The following CLSTN2 variants were observed in gnomAD, a reference collection of about 807,000 sequenced individuals.
The protein encoded by CLSTN2 is calsyntenin-2.
A neutral mutation model predicts 101.2 loss-of-function variants in CLSTN2; 48 were observed. The observed-to-expected ratio is 0.47, with a 90% CI of 0.38 to 0.60. The LOEUF (loss-of-function observed/expected upper bound fraction) is 0.60, where lower values mean the gene tolerates loss of function less well. CLSTN2 is among the 20% of genes least tolerant of loss of function. CLSTN2 has a pLI of 0.00. For synonymous variants in CLSTN2, 481 were observed against 463.6 expected (o/e 1.04, Z -0.48); for missense variants, 1,160 against 1,238.2 (o/e 0.94, Z 0.95).
intron 8 of CLSTN2, among the ~76,000 whole-genome samples, chr3:140,496,502 T>C (rs1185432493): frequency 1.3e-5 from 2 of 152,186 alleles, no homozygotes; most frequent in Admixed American, 6.5e-5. Context: ...AATACAATGT[T>C]GAATAGAAGT....
At chr3:140,552,080 G>A (rs993012308) in intron 10 of CLSTN2, among the ~76,000 whole-genome samples, 1 of 152,104 alleles carries the variant, frequency 6.6e-6, no homozygotes, top group Admixed American at 6.5e-5. Context: ...GTCATAGCCA[G>A]CCTTCTCTCA....
Position 140,563,079 on chromosome 3 carries a change from G to A in CLSTN2, c.2359-1G>A. ...ATAGCACCTCTCCCCACTCTTCCCA[G>A]GTCAGCATCCTTCATGAAGACCAAG... On this transcript the variant is annotated splice_acceptor_variant, in intron 14 of 16. Transcript: ENST00000458420. LOFTEE classifies it high-confidence loss of function. 6.2e-7 allele frequency: 1 copy of A among 1,614,030 alleles called. No individual in the cohort carries two copies. Among genetic ancestry groups the A allele is most frequent in the South Asian group, 1.1e-5 (1 of 91,076 alleles).
intron 8 of CLSTN2, among the ~76,000 whole-genome samples, chr3:140,490,463 G>A (rs143836184): frequency 4.6e-4 from 70 of 151,622 alleles, no homozygotes; most frequent in African/African-American, 1.7e-3. Context: ...AACTGAAGCT[G>A]GGCCACAAAG....
At chr3:140,313,466 T>A (rs1161578176) in intron 2 of CLSTN2, among the ~76,000 whole-genome samples, 1 of 152,066 alleles carries the variant, frequency 6.6e-6, no homozygotes, top group Non-Finnish European at 1.5e-5. Context: ...TTCAGTGGAG[T>A]GCAGTGTCAT....
At chr3:140,560,770 G>A (rs1334291873) in intron 12 of CLSTN2, among the ~76,000 whole-genome samples, 51 of 152,112 alleles carry the variant, frequency 3.4e-4, no homozygotes, top group Admixed American at 3.3e-3. Context: ...CAGCCACAGC[G>A]GGAGGTAGGA....
intron 2 of CLSTN2, among the ~76,000 whole-genome samples, chr3:140,390,492 T>G (rs7630704): frequency 0.017 from 2,519 of 152,336 alleles, 73 homozygotes; most frequent in African/African-American, 0.058. Flanking sequence ...GCCTTTTAAA[T>G]TGATTGAGAC....
chr3:140,479,481 A>T (rs1934066068), intron 8 of CLSTN2, among the ~76,000 whole-genome samples: 1 of 152,208 alleles, frequency 6.6e-6, no homozygotes, highest in Non-Finnish European at 1.5e-5. Flanking sequence ...GGAAAATGTG[A>T]CCTAAGGTCC....
In CLSTN2 at chr3:140,385,139, G is replaced by A. The variant is rs78040472; in HGVS notation, c.233-18490G>A. 2.3e-3 allele frequency among the ~76,000 whole-genome samples: 349 copies of A among 152,252 alleles called. 1 individual carries two copies. Among genetic ancestry groups the A allele is most frequent in the Admixed American group, 5.4e-3 (82 of 15,298 alleles). On this transcript the variant is annotated intron_variant, in intron 2 of 16. Coordinates refer to ENST00000458420, the MANE Select transcript of CLSTN2 (RefSeq NM_022131.3). ...GGGTGAGAGATCATGTAGTCAGTGT[G>A]CTCAGTGACTGGCAGTGAATTTGGG...
In CLSTN2 at chr3:140,519,526, G is replaced by A. The variant is rs143043369; in HGVS notation, c.1345-12798G>A. On this transcript the variant is annotated intron_variant, in intron 8 of 16. Coordinates refer to ENST00000458420, the MANE Select transcript of CLSTN2 (RefSeq NM_022131.3). The stretch of plus-strand genomic sequence containing the variant: ...TGAATATGGTTCTCCTGTATTGAGT[G>A]CATATATATTTAGGATAGTTAGCTC... Among the ~76,000 whole-genome samples the A allele has an allele frequency of 3.8e-3, 574 of 152,272 alleles. 7 individuals carry two copies. Among genetic ancestry groups the A allele is most frequent in the Admixed American group, 0.034 (522 of 15,298 alleles).
chr3:140,445,075 A>C (rs866078623), intron 5 of CLSTN2, among the ~76,000 whole-genome samples: 1 of 152,196 alleles, frequency 6.6e-6, no homozygotes. Flanking sequence ...CCTGCTCCTC[A>C]TAAACCCTCA....
intron 2 of CLSTN2, among the ~76,000 whole-genome samples, chr3:140,293,146 T>A (rs556328903): frequency 3.3e-5 from 5 of 152,206 alleles, no homozygotes; most frequent in Admixed American, 6.5e-5. Flanking sequence ...TTCAGGGTGA[T>A]CAAATAATTA....
At chr3:140,141,526 G>C (rs1195022717) in intron 1 of CLSTN2, among the ~76,000 whole-genome samples, 5 of 152,224 alleles carry the variant, frequency 3.3e-5, no homozygotes, top group Admixed American at 6.5e-5. Context: ...TGTCTTAGGA[G>C]AATAATGGCA....
chr3:140,291,867 G>A (rs2086957507), intron 2 of CLSTN2, among the ~76,000 whole-genome samples: 2 of 151,842 alleles, frequency 1.3e-5, no homozygotes, highest in South Asian at 4.2e-4. Context: ...CACAGTACAA[G>A]TCTCACCAGC....
intron 1 of CLSTN2, among the ~76,000 whole-genome samples, chr3:140,112,521 G>T (rs377326061): frequency 2.0e-5 from 3 of 152,272 alleles, no homozygotes; most frequent in East Asian, 1.9e-4. Context: ...GCAGACAGCC[G>T]TGCACCTGGA....
At chr3:140,074,782 C>T in intron 1 of CLSTN2, among the ~76,000 whole-genome samples, 1 of 152,182 alleles carries the variant, frequency 6.6e-6, no homozygotes, top group East Asian at 1.9e-4. Context: ...ATGCAGTCTT[C>T]TTTCATATCA....
intron 1 of CLSTN2, among the ~76,000 whole-genome samples, chr3:140,026,321 A>G (rs2007419028): frequency 6.6e-6 from 1 of 152,204 alleles, no homozygotes; most frequent in Admixed American, 6.5e-5. Flanking sequence ...CCAGACAGAA[A>G]TGATATTTCA....
chr3:140,006,090 G>T (rs2006947596), intron 1 of CLSTN2, among the ~76,000 whole-genome samples: 1 of 152,058 alleles, frequency 6.6e-6, no homozygotes, highest in African/African-American at 2.4e-5. Flanking sequence ...ACATGTTCTT[G>T]GAAAAAGAGC....
At chr3:140,117,503 T>C (rs1576432997) in intron 1 of CLSTN2, among the ~76,000 whole-genome samples, 1 of 152,306 alleles carries the variant, frequency 6.6e-6, no homozygotes, top group East Asian at 1.9e-4. Flanking sequence ...AGAGCCAGCC[T>C]ATGACATGTT....
chr3:140,516,000 T>C (rs960188084), intron 8 of CLSTN2, among the ~76,000 whole-genome samples: 20 of 145,606 alleles, frequency 1.4e-4, no homozygotes, highest in Admixed American at 4.9e-4. Context: ...AGTAATTGTA[T>C]AAATTTCGAA....
Sources: gnomAD v4.1 joint callset for allele counts (sites outside exome capture counted in the v4.1 genomes callset) on GRCh38, gnomAD v4.1.1 for gene constraint, MANE v1.5 for transcripts, NCBI Gene and HGNC (gene_info 2026-07-23, HGNC 2026-07-21) for gene names.